Variants in ANKRD11 observed in about 807,000 individuals in gnomAD.
ANKRD11 encodes ankyrin repeat domain 11.
A neutral mutation model predicts 195.7 loss-of-function variants in ANKRD11; 17 were observed. The observed-to-expected ratio is 0.09, with a 90% CI of 0.06 to 0.13. The LOEUF is 0.13. ANKRD11 is among the 10% of genes least tolerant of loss of function. ANKRD11 has a pLI of 1.00. For synonymous variants in ANKRD11, 1,953 were observed against 1,528.1 expected, an observed-to-expected ratio of 1.28 and a Z score of -6.49; for missense variants, 3,735 against 3,566.1, an observed-to-expected ratio of 1.05 and a Z score of -1.21.
At chr16:89,482,584 A>G (rs183352048) in intron 1 of ANKRD11, among the ~76,000 whole-genome samples, 1 of 152,302 alleles carries the variant, frequency 6.6e-6, no homozygotes, top group Non-Finnish European at 1.5e-5. Flanking sequence ...GAGGGAGATG[A>G]CCTCGCAGTG....
At chr16:89,287,347 C>G (rs1189707843) in intron 7 of ANKRD11, 7 of 299,288 alleles carry the variant, frequency 2.3e-5, no homozygotes, top group African/African-American at 1.5e-4. Flanking sequence ...GACAATCTCC[C>G]CATGTGAGGC....
intron 2 of ANKRD11, chr16:89,320,412 C>T (rs1219110983): frequency 6.6e-6 from 1 of 152,242 alleles, no homozygotes; most frequent in African/African-American, 2.4e-5. Flanking sequence ...CAGCAGGAAA[C>T]TGAAACACGC....
At position 89,477,322 on chromosome 16, in the gene ANKRD11, A is replaced by T. The variant is rs549859260; in HGVS notation, c.-145+12923T>A. On this transcript the variant is annotated intron_variant, in intron 1 of 12. Transcript: ENST00000301030. Reference sequence around the variant, plus strand: ...ATTCTCCTGCCTCAGCCTCCTCAGTAGCTGGGATGACAGGCATGGGCCACC... The same window carrying T: ...ATTCTCCTGCCTCAGCCTCCTCAGTTGCTGGGATGACAGGCATGGGCCACC... 2.6e-5 allele frequency among the ~76,000 whole-genome samples: 4 copies of T among 151,662 alleles called. No individual in the cohort carries two copies. In the East Asian group the frequency reaches 5.9e-4, roughly 22 times the overall value.
chr16:89,404,339 G>T (rs1348940108), intron 2 of ANKRD11, among the ~76,000 whole-genome samples: 2 of 152,178 alleles, frequency 1.3e-5, no homozygotes, highest in African/African-American at 4.8e-5. Flanking sequence ...GGAAGTGCAG[G>T]AAGGAATACA....
At chr16:89,457,467 G>A (rs909211213) in intron 1 of ANKRD11, among the ~76,000 whole-genome samples, 2 of 151,218 alleles carry the variant, frequency 1.3e-5, no homozygotes, top group South Asian at 2.1e-4. Context: ...GCGTGGTGGT[G>A]GGCACCCGTA....
intron 3 of ANKRD11, among the ~76,000 whole-genome samples, chr16:89,316,611 T>C (rs2036971621): frequency 6.6e-6 from 1 of 152,248 alleles, no homozygotes; most frequent in East Asian, 1.9e-4. Context: ...TCTGAATGCC[T>C]GACAGGCCTA....
chr16:89,415,325 T>C (rs1480652048), intron 2 of ANKRD11, among the ~76,000 whole-genome samples: 2 of 139,052 alleles, frequency 1.4e-5, no homozygotes, highest in African/African-American at 5.6e-5. Context: ...AGCGCAGTGG[T>C]GCGATCTCGG....
Position 89,490,522 on chromosome 16 carries a change from G to C in ANKRD11, c.-422C>G, listed in dbSNP as rs992234190. The C allele has an allele frequency of 2.1e-6, 1 of 472,014 alleles. No individual in the cohort carries two copies. Among genetic ancestry groups the C allele is most frequent in the East Asian group, 3.6e-5 (1 of 27,526 alleles). 29.2% of individuals were successfully genotyped at this position (472,014 alleles called of 1,614,324 possible). A position where few individuals can be genotyped will look rare whatever the true frequency, so the allele number is the denominator to read the frequency against. On this transcript the variant is annotated 5_prime_UTR_variant, in exon 1 of 13. Coordinates refer to ENST00000301030, the MANE Select transcript of ANKRD11 (RefSeq NM_013275.6). Reference sequence around the variant, plus strand: ...CTCGGCGGCGGCGCCTCCCCGGCTGGGGCCCTCGGTCCATCGCGCACCGTC... The same window carrying C: ...CTCGGCGGCGGCGCCTCCCCGGCTGCGGCCCTCGGTCCATCGCGCACCGTC...
intron 2 of ANKRD11, among the ~76,000 whole-genome samples, chr16:89,332,349 T>C (rs982059039): frequency 2.6e-5 from 4 of 152,178 alleles, no homozygotes; most frequent in African/African-American, 9.7e-5. Context: ...CAAGCACCTC[T>C]GGTGGGCTGT....
chr16:89,393,338 G>GC, intron 2 of ANKRD11, among the ~76,000 whole-genome samples: 1 of 148,620 alleles, frequency 6.7e-6, no homozygotes, highest in Non-Finnish European at 1.5e-5. Flanking sequence ...TGAGACGGAG[G>GC]CTTGCTCTGT....
intron 4 of ANKRD11, among the ~76,000 whole-genome samples, chr16:89,292,224 C>T (rs2035105998): frequency 6.6e-6 from 1 of 152,208 alleles, no homozygotes; most frequent in South Asian, 2.1e-4. Flanking sequence ...CACCTCCCTT[C>T]CCTTCCATTC....
intron 1 of ANKRD11, among the ~76,000 whole-genome samples, chr16:89,433,814 G>T (rs894907267): frequency 6.6e-5 from 10 of 152,240 alleles, no homozygotes; most frequent in African/African-American, 1.9e-4. Context: ...CGGGGACTGG[G>T]CACGCCACCT....
rs569653021 is a variant in ANKRD11, at chr16:89,396,404, G to A, written c.-60+21880C>T. 2.6e-5 allele frequency among the ~76,000 whole-genome samples: 4 copies of A among 152,296 alleles called. No homozygotes were observed. In the East Asian group the frequency reaches 7.7e-4, roughly 29 times the overall value. On this transcript the variant is annotated intron_variant, in intron 2 of 12. Coordinates refer to ENST00000301030, the MANE Select transcript of ANKRD11 (RefSeq NM_013275.6). ...TCGCCGCAAGAGAGACCAAAGGGAA[G>A]CCCTGAGACTCCCCTGCTGCTGGAA... is the stretch of plus-strand genomic sequence containing the variant.
chr16:89,316,036 G>C (rs1173220229), intron 3 of ANKRD11, among the ~76,000 whole-genome samples: 2 of 152,100 alleles, frequency 1.3e-5, no homozygotes, highest in Admixed American at 1.3e-4. Context: ...GGTCAGACAG[G>C]TCACAGATGA....
At chr16:89,463,701 C>T (rs1331529583) in intron 1 of ANKRD11, among the ~76,000 whole-genome samples, 2 of 151,660 alleles carry the variant, frequency 1.3e-5, no homozygotes, top group Admixed American at 6.6e-5. Flanking sequence ...AAAAAAGCCT[C>T]ACACTGGATA....
intron 2 of ANKRD11, among the ~76,000 whole-genome samples, chr16:89,353,198 C>T (rs1000258332): frequency 5.9e-5 from 9 of 151,884 alleles, no homozygotes; most frequent in Non-Finnish European, 8.8e-5. Flanking sequence ...AAAAATTAGC[C>T]GTGCATGGTG....
chr16:89,270,627 C>T (rs903516837), intron 12 of ANKRD11, 190 bp downstream of exon 12: 59 of 647,854 alleles, frequency 9.1e-5, no homozygotes, highest in Non-Finnish European at 7.5e-5. Context: ...CTGAGGAGGC[C>T]ACACGCAGGG....
chr16:89,374,929 A>G (rs1335917901), intron 2 of ANKRD11, among the ~76,000 whole-genome samples: 1 of 152,190 alleles, frequency 6.6e-6, no homozygotes, highest in South Asian at 2.1e-4. Context: ...AGGAATACCG[A>G]AAAAAGTCAG....
intron 2 of ANKRD11, among the ~76,000 whole-genome samples, chr16:89,349,882 A>G (rs1358213941): frequency 8.4e-6 from 1 of 119,330 alleles, no homozygotes; most frequent in Non-Finnish European, 1.7e-5. Context: ...ACACACACAC[A>G]CACACACACA....
Sources: allele counts gnomAD v4.1 joint callset (sites outside exome capture counted in the v4.1 genomes callset), GRCh38; gene constraint gnomAD v4.1.1; transcripts MANE v1.5; gene names NCBI Gene and HGNC (gene_info 2026-07-23, HGNC 2026-07-21).